The following SAMM50 variants were observed in gnomAD, a reference collection of about 807,000 sequenced individuals.
The protein encoded by SAMM50 is SAMM50 sorting and assembly machinery component, also known as sorting and assembly machinery component 50 homolog.
SAMM50 carries 47 observed loss-of-function variants against 66.9 expected under a neutral mutation model. That is an observed-to-expected ratio of 0.70 (90% CI 0.56 to 0.90). The LOEUF (loss-of-function observed/expected upper bound fraction) is 0.90, where lower values mean the gene tolerates loss of function less well. Among genes scored for constraint, SAMM50 ranks in the 40% least tolerant of loss-of-function variants. SAMM50 has a pLI of 0.00. For synonymous variants in SAMM50, 191 were observed against 214.1 expected, an observed-to-expected ratio of 0.89 and a Z score of 0.94; for missense variants, 535 against 595.3, an observed-to-expected ratio of 0.90 and a Z score of 1.05.
At chr22:43,964,584 C>T (rs1254519543) in intron 3 of SAMM50, 31 bp downstream of exon 3, 2 of 1,188,342 alleles carry the variant, frequency 1.7e-6, no homozygotes, top group African/African-American at 1.5e-5. Context: ...GTGTGCTTTC[C>T]CAGTCTCTTC....
At chr22:43,987,997 T>G (rs1040566578) in intron 12 of SAMM50, 1 of 152,142 alleles carries the variant, frequency 6.6e-6, no homozygotes, top group Non-Finnish European at 1.5e-5. Flanking sequence ...TATAATCCAC[T>G]GGAAGAAAGG....
intron 13 of SAMM50, 62 bp downstream of exon 13, chr22:43,989,319 G>A: frequency 2.8e-6 from 4 of 1,403,544 alleles, no homozygotes; most frequent in Non-Finnish European, 3.9e-6. Flanking sequence ...TAAAAGCACA[G>A]TACACAAAGA....
chr22:43,994,791 T>C (rs1292179230), intron 14 of SAMM50, among the ~76,000 whole-genome samples: 1 of 152,220 alleles, frequency 6.6e-6, no homozygotes, highest in Non-Finnish European at 1.5e-5. Flanking sequence ...TTTGAATGTT[T>C]GCAGTGGGTA....
Position 43,990,262 on chromosome 22 carries a change from CA to C in SAMM50, c.1223-2del. 1.2e-6 allele frequency: 2 copies of C among 1,614,176 alleles called. No homozygotes were observed. The highest frequency in any genetic ancestry group is 1.7e-6 in the Non-Finnish European group (2 of 1,180,006). Reference sequence around the variant, plus strand: ...TGTTGCTCACAGGTCTTTCTCTTTTCAGGGGAGGGCCCCAAAGCTCATATTC... The same window carrying C: ...TGTTGCTCACAGGTCTTTCTCTTTTCGGGGAGGGCCCCAAAGCTCATATTC... On this transcript the variant is annotated splice_acceptor_variant, in intron 13 of 14. Coordinates refer to ENST00000350028, the MANE Select transcript of SAMM50 (RefSeq NM_015380.5). LOFTEE classifies it high-confidence loss of function.
At chr22:43,981,529 T>C in intron 11 of SAMM50, 68 bp downstream of exon 11, 2 of 1,130,330 alleles carry the variant, frequency 1.8e-6, no homozygotes, top group Non-Finnish European at 2.7e-6. Flanking sequence ...TTGTTTTTTA[T>C]AAGATATTTT....
At chr22:43,956,544 T>C (rs2146802334) in intron 1 of SAMM50, among the ~76,000 whole-genome samples, 1 of 152,334 alleles carries the variant, frequency 6.6e-6, no homozygotes. Flanking sequence ...GTGTGCTCGA[T>C]AAGTCAATAC....
intron 3 of SAMM50, among the ~76,000 whole-genome samples, chr22:43,968,339 G>T (rs2050185279): frequency 6.6e-6 from 1 of 151,676 alleles, no homozygotes; most frequent in Non-Finnish European, 1.5e-5. Context: ...CTCAAAGGGA[G>T]AGCTGAAAAA....
intron 10 of SAMM50, among the ~76,000 whole-genome samples, chr22:43,978,633 G>A (rs1176995338): frequency 6.6e-6 from 1 of 151,044 alleles, no homozygotes; most frequent in Non-Finnish European, 1.5e-5. Context: ...GGTGCTTTCA[G>A]AAATTTTTTT....
chr22:43,968,033 C>T (rs1251307476), intron 3 of SAMM50, among the ~76,000 whole-genome samples: 1 of 151,652 alleles, frequency 6.6e-6, no homozygotes, highest in African/African-American at 2.4e-5. Flanking sequence ...ACCAGCCTGG[C>T]CAACATGGTG....
At chr22:43,991,984 G>A (rs1294970831) in intron 14 of SAMM50, among the ~76,000 whole-genome samples, 2 of 152,248 alleles carry the variant, frequency 1.3e-5, no homozygotes, top group Non-Finnish European at 2.9e-5. Context: ...GTGGGGACAT[G>A]AATGTTCAGT....
intron 1 of SAMM50, among the ~76,000 whole-genome samples, chr22:43,958,143 C>T (rs1220712965): frequency 6.6e-6 from 1 of 152,206 alleles, no homozygotes; most frequent in African/African-American, 2.4e-5. Flanking sequence ...CCATCTTTAG[C>T]ATCAAAATAT....
At chr22:43,995,481 AG>A (rs2050348200) in intron 14 of SAMM50, 1 of 152,350 alleles carries the variant, frequency 6.6e-6, no homozygotes, top group East Asian at 1.9e-4. Flanking sequence ...CATTTTCCCC[AG>A]AAGTTGAGGT....
chr22:43,995,062 A>G (rs2050345809), intron 14 of SAMM50, among the ~76,000 whole-genome samples: 1 of 152,182 alleles, frequency 6.6e-6, no homozygotes, highest in Non-Finnish European at 1.5e-5. Context: ...ACACAACTAA[A>G]TGGTACAAAT....
chr22:43,971,098 G>T (rs2146813051), intron 4 of SAMM50, among the ~76,000 whole-genome samples: 1 of 152,270 alleles, frequency 6.6e-6, no homozygotes, highest in African/African-American at 2.4e-5. Context: ...AACCCGGGAG[G>T]TGGAGGTTGT....
chr22:43,992,690 T>C (rs1243947863), intron 14 of SAMM50, among the ~76,000 whole-genome samples: 1 of 152,236 alleles, frequency 6.6e-6, no homozygotes, highest in Admixed American at 6.5e-5. Flanking sequence ...TGTTGCAGTT[T>C]GGAGAACTCA....
At chr22:43,957,402 G>A (rs374082522) in intron 1 of SAMM50, 24 of 388,318 alleles carry the variant, frequency 6.2e-5, no homozygotes, top group African/African-American at 3.4e-4. Flanking sequence ...AAAAAAAAAG[G>A]CAACTTGATT....
At chr22:43,976,552 A>G (rs2050233385) in intron 8 of SAMM50, among the ~76,000 whole-genome samples, 198 bp from the exon 9 acceptor site, 1 of 152,230 alleles carries the variant, frequency 6.6e-6, no homozygotes, top group East Asian at 1.9e-4. Flanking sequence ...TTGAAGCTCA[A>G]GTCTCAGTGT....
At chr22:43,961,149 G>A (rs73178418) in intron 1 of SAMM50, among the ~76,000 whole-genome samples, 1,992 of 152,314 alleles carry the variant, frequency 0.013, 26 homozygotes, top group Non-Finnish European at 0.02. Context: ...AGGCCCCACT[G>A]CTCCATATTT....
intron 4 of SAMM50, among the ~76,000 whole-genome samples, chr22:43,969,224 T>G (rs952455282): frequency 1.3e-5 from 2 of 152,178 alleles, no homozygotes; most frequent in African/African-American, 4.8e-5. Context: ...CAGGCTTCGT[T>G]CACATAGCCC....
Sources: allele counts gnomAD v4.1 joint callset (sites outside exome capture counted in the v4.1 genomes callset), GRCh38; gene constraint gnomAD v4.1.1; transcripts MANE v1.5; gene names NCBI Gene and HGNC (gene_info 2026-07-23, HGNC 2026-07-21).